Variants in CDK13 observed in about 807,000 individuals in gnomAD.
The protein encoded by CDK13 is cyclin-dependent kinase 13.
A neutral mutation model predicts 137.6 loss-of-function variants in CDK13; 40 were observed. The ratio of observed to expected loss-of-function variants is 0.29; its 90% CI spans 0.23 to 0.38. The LOEUF (loss-of-function observed/expected upper bound fraction) is 0.38. CDK13 is among the 10% of genes least tolerant of loss of function. The pLI, the probability that CDK13 is intolerant of heterozygous loss-of-function variation, is 1.00. For missense variants in CDK13, 1,704 were observed against 1,951.8 expected, an observed-to-expected ratio of 0.87 and a Z score of 2.39; for synonymous variants, 869 against 760.1, an observed-to-expected ratio of 1.14 and a Z score of -2.36.
intron 1 of CDK13, among the ~76,000 whole-genome samples, chr7:39,953,743 A>G (rs146514482): frequency 1.9e-4 from 29 of 152,326 alleles, no homozygotes; most frequent in African/African-American, 6.5e-4. Context: ...GTATTTCTAA[A>G]GAGTTGAATT....
rs1310376991 is a variant in CDK13 at position 40,088,267 on chromosome 7, C to T, written c.3171C>T (p.Asn1057=). Residue 1057 remains asparagine (N), a synonymous_variant, in exon 12 of 14, where the codon AAC becomes AAT. Transcript: ENST00000181839. The part of the protein sequence containing the change: ...LSLGLDDSRT[N]TPQGVLPSSQ... ...TGGGCTTGGATGACAGCAGAACCAA[C>T]ACACCCCAGGGTGTGCTGCCATCTT... 1 of 1,614,160 alleles carries T rather than the reference C, an allele frequency of 6.2e-7. No individual in the cohort carries two copies. The highest frequency in any genetic ancestry group is 1.1e-5 in the South Asian group (1 of 91,074).
chr7:40,025,777 A>AT (rs1489141338), intron 5 of CDK13, among the ~76,000 whole-genome samples: 2 of 152,198 alleles, frequency 1.3e-5, no homozygotes, highest in Non-Finnish European at 2.9e-5. Flanking sequence ...GTGCCATTGA[A>AT]TTTATTGTTT....
In CDK13 at chr7:39,950,867, GCCT is replaced by G. The variant is rs1341452721; in HGVS notation, c.234_236del (p.Ser79del). ...CGCCGCCGCAGCCGCCGCCGCCGCG[GCCT>G]CCTCCTCTTGCTTCAGCCCGGGCCC... On this transcript the variant is annotated inframe_deletion, in exon 1 of 14. Transcript: ENST00000181839. 2.2e-6 allele frequency: 3 copies of G among 1,369,158 alleles called. No homozygotes were observed. The highest frequency in any genetic ancestry group is 3.1e-5 in the East Asian group (1 of 32,762). The allele number at this position is 1,369,158 out of a possible 1,614,324, so 84.8% of individuals were successfully genotyped here.
chr7:40,030,300 TTCAG>T (rs1285195149), intron 5 of CDK13, among the ~76,000 whole-genome samples: 1 of 151,556 alleles, frequency 6.6e-6, no homozygotes, highest in East Asian at 1.9e-4. Flanking sequence ...GAGAAAGTCA[TTCAG>T]TCAGTCTGGC....
At chr7:39,963,831 C>G (rs985303785) in intron 1 of CDK13, among the ~76,000 whole-genome samples, 1 of 152,092 alleles carries the variant, frequency 6.6e-6, no homozygotes, top group African/African-American at 2.4e-5. Flanking sequence ...TAGCATGAAG[C>G]ATTGTTGAAT....
At chr7:40,028,130 G>T (rs755912531) in intron 5 of CDK13, among the ~76,000 whole-genome samples, 1 of 151,726 alleles carries the variant, frequency 6.6e-6, no homozygotes, top group Non-Finnish European at 1.5e-5. Context: ...GCAGCTGAAG[G>T]TCGTTCTCTT....
chr7:40,027,172 C>T (rs558784269), intron 5 of CDK13, among the ~76,000 whole-genome samples: 23 of 152,200 alleles, frequency 1.5e-4, no homozygotes, highest in African/African-American at 5.3e-4. Flanking sequence ...GGTGAAACCC[C>T]GTCTCTACTA....
intron 2 of CDK13, among the ~76,000 whole-genome samples, chr7:39,988,597 G>A (rs185311779): frequency 4.1e-4 from 63 of 152,096 alleles, no homozygotes; most frequent in Non-Finnish European, 1.6e-4. Context: ...GAATAAGTTG[G>A]CCCTAGTTAA....
chr7:40,082,840 C>T (rs918363850), intron 11 of CDK13, among the ~76,000 whole-genome samples: 3 of 151,710 alleles, frequency 2.0e-5, no homozygotes, highest in Admixed American at 2.0e-4. Flanking sequence ...GTGGCTCATG[C>T]CTGTAATCCC....
chr7:40,030,192 C>A (rs1785340636), intron 5 of CDK13, among the ~76,000 whole-genome samples: 1 of 151,234 alleles, frequency 6.6e-6, no homozygotes, highest in African/African-American at 2.4e-5. Context: ...AACAGAAGTA[C>A]CTCACCATTG....
chr7:39,980,187 AGGTTGT>A (rs1784195045), intron 1 of CDK13, among the ~76,000 whole-genome samples: 1 of 152,172 alleles, frequency 6.6e-6, no homozygotes, highest in Admixed American at 6.5e-5. Flanking sequence ...GACAATTAAG[AGGTTGT>A]GGTATGGGAA....
Position 39,950,969 on chromosome 7 carries a change from C to G in CDK13, c.328C>G (p.Arg110Gly). The G allele has an allele frequency of 7.6e-7, 1 of 1,314,270 alleles. No homozygotes were observed. The highest frequency in any genetic ancestry group is 9.6e-7 in the Non-Finnish European group (1 of 1,036,792). The allele number at this position is 1,314,270 out of a possible 1,614,324, so 81.4% of individuals were successfully genotyped here. ...GGRQKRRRGPRAGQEAEKRRV... is the reference protein window; with the variant it reads ...GGRQKRRRGPGAGQEAEKRRV... ...GCGGCAGAAGCGGCGTCGCGGGCCC[C>G]GCGCCGGGCAGGAGGCGGAGAAGCG... The change falls in exon 1 of 14, where the codon CGC (arginine) becomes GGC (glycine). Residue 110 changes from arginine to glycine, a missense_variant. Around this residue, in one of 5 missense-constraint regions of CDK13, gnomAD observed 1,051 missense variants for 931.0 expected, o/e 1.13. Coordinates refer to ENST00000181839, the MANE Select transcript of CDK13 (RefSeq NM_003718.5).
intron 1 of CDK13, among the ~76,000 whole-genome samples, chr7:39,961,882 C>A (rs193249963): frequency 3.2e-4 from 49 of 152,056 alleles, no homozygotes; most frequent in African/African-American, 1.2e-3. Context: ...TGAGAACATG[C>A]GGTGTTTGGT....
rs149085799 is a variant in CDK13 at position 40,009,041 on chromosome 7, T to TCTTTA, written c.2353+7014_2353+7018dup. On this transcript the variant is annotated intron_variant, in intron 5 of 13. Coordinates refer to ENST00000181839, the MANE Select transcript of CDK13 (RefSeq NM_003718.5). Reference sequence around the variant, plus strand: ...AAGAAGAATGTTAATGTGTAGGTTTTCTTTACTTGATGATAAAATAAATAT... The same window carrying TCTTTA: ...AAGAAGAATGTTAATGTGTAGGTTTTCTTTACTTTACTTGATGATAAAATAAATAT... Among the ~76,000 whole-genome samples, 482 of 152,340 alleles carry TCTTTA rather than the reference T, an allele frequency of 3.2e-3. 3 individuals carry two copies. Among genetic ancestry groups the TCTTTA allele is most frequent in the Non-Finnish European group, 3.7e-3 (250 of 68,020 alleles).
chr7:40,014,154 C>T (rs375160283), intron 5 of CDK13, among the ~76,000 whole-genome samples: 104 of 148,238 alleles, frequency 7.0e-4, no homozygotes, highest in Middle Eastern at 3.6e-3. Flanking sequence ...CTGCAGTCTC[C>T]GACTCCCGGG....
At chr7:40,001,165 G>T (rs970909162) in intron 4 of CDK13, among the ~76,000 whole-genome samples, 1 of 149,224 alleles carries the variant, frequency 6.7e-6, no homozygotes, top group African/African-American at 2.5e-5. Flanking sequence ...TCTTTCCCTC[G>T]TTTACTTAAA....
intron 2 of CDK13, among the ~76,000 whole-genome samples, chr7:39,990,080 A>T (rs1784427025): frequency 6.6e-6 from 1 of 152,144 alleles, no homozygotes; most frequent in Non-Finnish European, 1.5e-5. Context: ...CACTGCGCCC[A>T]ACCTACTTTA....
At chr7:40,032,314 G>A (rs1235813899) in intron 5 of CDK13, among the ~76,000 whole-genome samples, 7 of 152,140 alleles carry the variant, frequency 4.6e-5, no homozygotes, top group Admixed American at 1.3e-4. Flanking sequence ...CAAGCAATCC[G>A]TATGCCTTGT....
chr7:40,062,069 T>A (rs1015800762), intron 7 of CDK13: 1 of 152,208 alleles, frequency 6.6e-6, no homozygotes, highest in African/African-American at 2.4e-5. Flanking sequence ...AGTGAAAAAT[T>A]GCCAAAAATA....
Sources: gnomAD v4.1 joint callset for allele counts (sites outside exome capture counted in the v4.1 genomes callset) on GRCh38, gnomAD v4.1.1 for gene constraint, gnomAD v4.1.1 regional missense constraint, MANE v1.5 for transcripts, NCBI Gene and HGNC (gene_info 2026-07-23, HGNC 2026-07-21) for gene names.